Variants in TRIO observed in about 807,000 individuals in gnomAD.
TRIO encodes the protein triple functional domain protein.
A neutral mutation model predicts 351.9 loss-of-function variants in TRIO; 58 were observed. The ratio of observed to expected loss-of-function variants is 0.16; its 90% CI spans 0.13 to 0.21. The LOEUF (loss-of-function observed/expected upper bound fraction) is 0.21, where lower values mean the gene tolerates loss of function less well. Ranked by LOEUF, TRIO falls within the 10% of genes least tolerant of loss-of-function variation. TRIO has a pLI of 1.00. For missense variants in TRIO, 3,201 were observed against 4,027.8 expected (o/e 0.79, Z 5.56); for synonymous variants, 1,758 against 1,595.7 (o/e 1.10, Z -2.42).
chr5:14,181,716 C>T (rs1789780527), intron 1 of TRIO, among the ~76,000 whole-genome samples: 1 of 152,168 alleles, frequency 6.6e-6, no homozygotes, highest in African/African-American at 2.4e-5. Context: ...AGACCAATGT[C>T]AGGGGTCTGT....
chr5:14,487,805 C>T lies in TRIO; in HGVS notation c.7177C>T (p.Arg2393Trp). 7.1e-7 allele frequency: 1 copy of T among 1,413,780 alleles called. No homozygotes were observed. The allele number at this position is 1,413,780 out of a possible 1,614,324, so 87.6% of individuals were successfully genotyped here. A position where few individuals can be genotyped will look rare whatever the true frequency, so the allele number is the denominator to read the frequency against. The change falls in exon 48 of 57, where the codon CGG (arginine) becomes TGG (tryptophan). Residue 2393 changes from arginine to tryptophan, a missense_variant. By Grantham distance (101) the Arg-to-Trp change is moderately radical. Transcript: ENST00000344204. ...GGCCGGCCCCAGCGCGCCCAGCAGG[C>T]GGCCCCCCGGCGCGGACGCCGAGGG... Reference protein sequence around the residue: ...PEAGPSAPSRRPPGADAEGSE... With the variant: ...PEAGPSAPSRWPPGADAEGSE...
At position 14,397,569 on chromosome 5, in the gene TRIO, G is replaced by T. The variant is rs536009782; in HGVS notation, c.4423+415G>T. 7.9e-5 allele frequency among the ~76,000 whole-genome samples: 12 copies of T among 152,318 alleles called. No homozygotes were observed. In the East Asian group the frequency reaches 2.3e-3, roughly 29 times the overall value. ...AGAGCCTGGAACATAGTAGGCACCA[G>T]ATATTTCCTTGTGTAACATGGTAAA... On this transcript the variant is annotated intron_variant, in intron 29 of 56. Coordinates refer to ENST00000344204, the MANE Select transcript of TRIO (RefSeq NM_007118.4).
chr5:14,201,538 T>G (rs1791110296), intron 1 of TRIO, among the ~76,000 whole-genome samples: 1 of 152,208 alleles, frequency 6.6e-6, no homozygotes, highest in Non-Finnish European at 1.5e-5. Context: ...GATTGTTAAC[T>G]TTGAGGATTA....
At chr5:14,236,343 A>G (rs1267202856) in intron 1 of TRIO, among the ~76,000 whole-genome samples, 1 of 152,212 alleles carries the variant, frequency 6.6e-6, no homozygotes, top group Non-Finnish European at 1.5e-5. Context: ...TTCCTTTTTC[A>G]GGGCTTAGTC....
At chr5:14,371,912 G>A (rs553392157) in intron 18 of TRIO, among the ~76,000 whole-genome samples, 891 of 152,172 alleles carry the variant, frequency 5.9e-3, no homozygotes, top group Non-Finnish European at 9.2e-3. Flanking sequence ...AAAATATTGG[G>A]ATTACAGGTG....
chr5:14,293,970 A>G (rs551255575), intron 6 of TRIO, among the ~76,000 whole-genome samples: 12 of 151,696 alleles, frequency 7.9e-5, no homozygotes, highest in African/African-American at 1.2e-4. Context: ...GCATTAAAGC[A>G]ATATGAACCG....
intron 3 of TRIO, among the ~76,000 whole-genome samples, chr5:14,285,301 A>G (rs1437567615): frequency 6.6e-6 from 1 of 151,964 alleles, no homozygotes; most frequent in African/African-American, 2.4e-5. Context: ...AAGCTGCTGG[A>G]TCTGTTTTCT....
chr5:14,431,139 C>T (rs1751085893), intron 34 of TRIO, among the ~76,000 whole-genome samples: 1 of 152,242 alleles, frequency 6.6e-6, no homozygotes, highest in Non-Finnish European at 1.5e-5. Context: ...TGAGCTCTTG[C>T]CCCTGTGGCC....
At position 14,331,597 on chromosome 5, in the gene TRIO, C is replaced by G. The variant is rs115322543; in HGVS notation, c.1854+697C>G. Reference sequence around the variant, plus strand: ...TTCTGGTGTTCTGAGAAGGAGGAACCCAAAATTCGAACCTCATGTTTAGGT... The same window carrying G: ...TTCTGGTGTTCTGAGAAGGAGGAACGCAAAATTCGAACCTCATGTTTAGGT... On this transcript the variant is annotated intron_variant, in intron 10 of 56. Coordinates refer to ENST00000344204, the MANE Select transcript of TRIO (RefSeq NM_007118.4). 5.4e-3 allele frequency among the ~76,000 whole-genome samples: 816 copies of G among 152,026 alleles called. 7 individuals are homozygous for G. Among genetic ancestry groups the G allele is most frequent in the African/African-American group, 0.018 (767 of 41,474 alleles).
At chr5:14,335,657 A>G (rs1021188023) in intron 10 of TRIO, among the ~76,000 whole-genome samples, 1 of 152,174 alleles carries the variant, frequency 6.6e-6, no homozygotes, top group Non-Finnish European at 1.5e-5. Context: ...CATTATAGTT[A>G]TTATTTCCTT....
chr5:14,328,463 C>T (rs940418142), intron 9 of TRIO, among the ~76,000 whole-genome samples: 1 of 152,160 alleles, frequency 6.6e-6, no homozygotes. Context: ...GTGCTCAATA[C>T]GTGAGTTAAA....
intron 41 of TRIO, 142 bp downstream of exon 41, chr5:14,477,105 T>C: frequency 1.4e-6 from 1 of 706,684 alleles, no homozygotes; most frequent in Non-Finnish European, 2.3e-6. Context: ...TGTTAATGAG[T>C]TGGAATTAAA....
intron 4 of TRIO, among the ~76,000 whole-genome samples, chr5:14,289,114 G>A (rs1224098416): frequency 5.3e-5 from 8 of 152,034 alleles, no homozygotes; most frequent in Admixed American, 3.9e-4. Flanking sequence ...GTGGCCGGGC[G>A]CGGTGGCTCA....
At chr5:14,389,498 G>A in intron 25 of TRIO, 100 bp downstream of exon 25, 1 of 842,426 alleles carries the variant, frequency 1.2e-6, no homozygotes, top group South Asian at 2.0e-5. Flanking sequence ...GCAGATTTCA[G>A]TGATTTTGTT....
intron 34 of TRIO, among the ~76,000 whole-genome samples, chr5:14,454,982 A>G (rs1365720133): frequency 1.4e-5 from 2 of 141,978 alleles, no homozygotes; most frequent in Admixed American, 1.4e-4. Flanking sequence ...GCACGTCTGG[A>G]GTTGTTTGTA....
At chr5:14,471,492 ATTG>A (rs766451972) in intron 38 of TRIO, 26 bp downstream of exon 38, 3 of 1,612,900 alleles carry the variant, frequency 1.9e-6, no homozygotes, top group Admixed American at 3.3e-5. Context: ...TTTCATTCTT[ATTG>A]TTCTCTGGGT....
In TRIO at chr5:14,383,672, T is replaced by C. The variant is rs537106405; in HGVS notation, c.3570+2420T>C. ...TTGAATTGGTTATACCAGGAGGAACTGGTAGATTTTGAAAAGAACACCCCT... is the reference window on the plus strand; with the variant it reads ...TTGAATTGGTTATACCAGGAGGAACCGGTAGATTTTGAAAAGAACACCCCT... On this transcript the variant is annotated intron_variant, in intron 21 of 56. Transcript: ENST00000344204. Among the ~76,000 whole-genome samples the C allele has an allele frequency of 2.0e-5, 3 of 152,334 alleles. No homozygotes were observed. The East Asian group carries it at 5.8e-4, about 29-fold the overall frequency.
intron 1 of TRIO, among the ~76,000 whole-genome samples, chr5:14,241,493 A>G (rs887285882): frequency 2.4e-4 from 37 of 152,210 alleles, no homozygotes; most frequent in Non-Finnish European, 2.9e-5. Flanking sequence ...TAATAGAGTA[A>G]GCTGTTGGTT....
chr5:14,322,202 G>T lies in TRIO; in HGVS notation c.1731+5459G>T, dbSNP rs1327477488. Among the ~76,000 whole-genome samples the T allele has an allele frequency of 7.9e-5, 12 of 152,208 alleles. No individual in the cohort carries two copies. The East Asian group carries it at 2.1e-3, about 27-fold the overall frequency. On this transcript the variant is annotated intron_variant, in intron 9 of 56. Transcript: ENST00000344204. ...TGAATGACTGAATGAGTAGTTGAAG[G>T]AATTTAAGGAATTCCCCAATTTTGC...
Sources: allele counts gnomAD v4.1 joint callset (sites outside exome capture counted in the v4.1 genomes callset), GRCh38; gene constraint gnomAD v4.1.1; transcripts MANE v1.5; gene names NCBI Gene and HGNC (gene_info 2026-07-23, HGNC 2026-07-21).